Variants in COL21A1 observed in about 807,000 individuals in gnomAD.
COL21A1 encodes collagen alpha-1(XXI) chain.
In COL21A1, 149 loss-of-function variants were observed where a neutral mutation model predicts 137.9. The ratio of observed to expected loss-of-function variants is 1.08; its 90% CI spans 0.95 to 1.24. The LOEUF (loss-of-function observed/expected upper bound fraction) is 1.24, where lower values mean the gene tolerates loss of function less well. Among genes scored for constraint, COL21A1 ranks in the 50% most tolerant of loss-of-function variants. COL21A1 has a pLI of 0.00. For missense variants in COL21A1, 1,167 were observed against 1,158.4 expected (o/e 1.01, Z -0.11); for synonymous variants, 456 against 391.5 (o/e 1.16, Z -1.95).
At chr6:56,091,749 C>A (rs1768839676) in intron 17 of COL21A1, 1 of 152,196 alleles carries the variant, frequency 6.6e-6, no homozygotes, top group Non-Finnish European at 1.5e-5. Flanking sequence ...TATGACAAAG[C>A]AGCAGTGGAA....
intron 1 of COL21A1, among the ~76,000 whole-genome samples, chr6:56,358,105 T>C (rs530694475): frequency 4.1e-4 from 62 of 152,302 alleles, no homozygotes; most frequent in African/African-American, 1.3e-3. Flanking sequence ...CATTTAGCAA[T>C]ATTTCAGTTG....
chr6:56,381,244 G>A (rs1409494724), intron 1 of COL21A1, among the ~76,000 whole-genome samples: 1 of 152,032 alleles, frequency 6.6e-6, no homozygotes, highest in Non-Finnish European at 1.5e-5. Flanking sequence ...TTATGTGGTC[G>A]AGTTTACGAA....
chr6:56,205,951 C>T (rs1296333695), intron 1 of COL21A1, among the ~76,000 whole-genome samples: 1 of 152,244 alleles, frequency 6.6e-6, no homozygotes. Context: ...TTTATCACCA[C>T]CAGGCCTGCC....
chr6:56,250,447 A>G (rs1782830269), upstream of COL21A1, among the ~76,000 whole-genome samples: 1 of 152,184 alleles, frequency 6.6e-6, no homozygotes, highest in African/African-American at 2.4e-5. Context: ...ATGGTAAGGA[A>G]CAGTGAGCAG....
chr6:56,352,710 A>T (rs1765738487), intron 1 of COL21A1, among the ~76,000 whole-genome samples: 2 of 152,152 alleles, frequency 1.3e-5, no homozygotes, highest in Admixed American at 1.3e-4. Context: ...AGTATAATGG[A>T]GAATTTATTT....
rs1237144231 is a variant in COL21A1, at chr6:56,119,145, T to C, written c.1758+4917A>G. On this transcript the variant is annotated intron_variant, in intron 16 of 29. Transcript: ENST00000244728. ...GGAAAGGGAGAAGTAAAATTATCCTTGTTTGCTGATGATATAATCTTTTAT... is the reference window on the plus strand; with the variant it reads ...GGAAAGGGAGAAGTAAAATTATCCTCGTTTGCTGATGATATAATCTTTTAT... Among the ~76,000 whole-genome samples the C allele has an allele frequency of 2.6e-5, 4 of 152,142 alleles. No individual in the cohort carries two copies. The East Asian group carries it at 7.7e-4, about 29-fold the overall frequency.
At chr6:56,061,207 A>T (rs548436882) in intron 25 of COL21A1, 170 bp from the exon 26 acceptor site, 46 of 609,506 alleles carry the variant, frequency 7.5e-5, no homozygotes, top group Non-Finnish European at 1.2e-4. Flanking sequence ...ATTTCATGTC[A>T]TATTAAACTG....
chr6:56,171,598 T>TA (rs2152273542), intron 3 of COL21A1, among the ~76,000 whole-genome samples: 1 of 152,096 alleles, frequency 6.6e-6, no homozygotes, highest in East Asian at 1.9e-4. Context: ...TCTTAGCATT[T>TA]AAGGGGTAAA....
intron 29 of COL21A1, among the ~76,000 whole-genome samples, 166 bp from the exon 30 acceptor site, chr6:56,058,010 G>A (rs1442267233): frequency 6.6e-6 from 1 of 151,746 alleles, no homozygotes; most frequent in Non-Finnish European, 1.5e-5. Flanking sequence ...CATGTCTTCT[G>A]CTTTGAAAAG....
chr6:56,182,453 C>A, intron 2 of COL21A1, 78 bp downstream of exon 2: 1 of 904,250 alleles, frequency 1.1e-6, no homozygotes, highest in African/African-American at 1.7e-5. Context: ...ATCCTTAAAA[C>A]CATTACTTGA....
chr6:56,184,320 A>G (rs770015889), intron 1 of COL21A1, among the ~76,000 whole-genome samples: 1 of 152,210 alleles, frequency 6.6e-6, no homozygotes, highest in Non-Finnish European at 1.5e-5. Context: ...GAGGGACAGC[A>G]GTAAGAATTT....
chr6:56,057,887 T>C, intron 29 of COL21A1, 43 bp from the exon 30 acceptor site: 1 of 1,368,002 alleles, frequency 7.3e-7, no homozygotes, highest in Non-Finnish European at 9.6e-7. Flanking sequence ...GGACTTTAGT[T>C]TTTTATAATG....
Position 56,179,979 on chromosome 6 carries a change from T to A in COL21A1, c.239A>T (p.Gln80Leu). 1 of 1,613,936 alleles carries A rather than the reference T, an allele frequency of 6.2e-7. No homozygotes were observed. Among genetic ancestry groups the A allele is most frequent in the Non-Finnish European group, 8.5e-7 (1 of 1,179,856 alleles). Residue 80 changes from glutamine (Q) to leucine (L), a missense_variant, in exon 3 of 30, where the codon CAA becomes CTA. By Grantham distance (113) the Gln-to-Leu change is moderately radical. Coordinates refer to ENST00000244728, the MANE Select transcript of COL21A1 (RefSeq NM_030820.4). ...GPKFIQVGVV[Q>L]YSDYPVLEIP... ...CTCCAGCACAGGGTAGTCACTATAT[T>A]GAACCACTCCAACTTGAATAAACTT...
chr6:56,168,821 C>T (rs983340173), intron 5 of COL21A1, among the ~76,000 whole-genome samples: 1 of 150,166 alleles, frequency 6.7e-6, no homozygotes, highest in African/African-American at 2.5e-5. Flanking sequence ...TTTTCACCCC[C>T]TCTTTGACTC....
intron 1 of COL21A1, among the ~76,000 whole-genome samples, chr6:56,386,594 G>C (rs1020234630): frequency 2.6e-5 from 4 of 151,756 alleles, no homozygotes; most frequent in Non-Finnish European, 5.9e-5. Flanking sequence ...AAAACTTGTT[G>C]TTGTTGTTTT....
intron 1 of COL21A1, among the ~76,000 whole-genome samples, chr6:56,285,614 G>C (rs72879914): frequency 2.6e-5 from 4 of 151,948 alleles, no homozygotes; most frequent in African/African-American, 9.7e-5. Context: ...CCCAAAAGAC[G>C]ACATTTATTA....
At chr6:56,233,930 T>C (rs951267820) in intron 1 of COL21A1, among the ~76,000 whole-genome samples, 14 of 151,782 alleles carry the variant, frequency 9.2e-5, no homozygotes, top group Admixed American at 8.5e-4. Context: ...CAATCAGCCA[T>C]TAATAGGAAA....
chr6:56,260,609 GA>G (rs1219561301), intron 1 of COL21A1, among the ~76,000 whole-genome samples: 4,863 of 104,420 alleles, frequency 0.047, 216 homozygotes, highest in Middle Eastern at 0.094. Context: ...AGAAGAAGAA[GA>G]AAGAAAGAGA....
At chr6:56,364,703 A>T (rs1766056829) in intron 1 of COL21A1, among the ~76,000 whole-genome samples, 4 of 151,958 alleles carry the variant, frequency 2.6e-5, no homozygotes, top group Admixed American at 2.6e-4. Context: ...GACTACAAAG[A>T]GCAGCTATGA....
Sources: allele counts gnomAD v4.1 joint callset (sites outside exome capture counted in the v4.1 genomes callset), GRCh38; gene constraint gnomAD v4.1.1; transcripts MANE v1.5; gene names NCBI Gene and HGNC (gene_info 2026-07-23, HGNC 2026-07-21).